Variants in MPZL1 observed in about 807,000 individuals in gnomAD.
MPZL1 encodes the protein myelin protein zero-like protein 1.
In MPZL1, 16 loss-of-function variants were observed where a neutral mutation model predicts 29.3. The ratio of observed to expected loss-of-function variants is 0.55; its 90% CI spans 0.37 to 0.83. The LOEUF is 0.83. Among genes scored for constraint, MPZL1 ranks in the 40% least tolerant of loss-of-function variants. MPZL1 has a pLI of 0.00. For missense variants in MPZL1, 279 were observed against 332.9 expected, an observed-to-expected ratio of 0.84 and a Z score of 1.26; for synonymous variants, 143 against 132.0, an observed-to-expected ratio of 1.08 and a Z score of -0.57.
In MPZL1 at chr1:167,783,338, A is replaced by T. The variant is rs188831044; in HGVS notation, c.709-4482A>T. ...AGGCACTGTGGAAAAAAATAAGAAA[A>T]TTTTTTTTCTTTGTGAAGCTTAGTT... On this transcript the variant is annotated intron_variant, in intron 5 of 5. Transcript: ENST00000359523. Among the ~76,000 whole-genome samples the T allele has an allele frequency of 2.7e-3, 417 of 151,870 alleles. 2 individuals are homozygous for T. The highest frequency in any genetic ancestry group is 9.6e-3 in the African/African-American group (399 of 41,378).
intron 1 of MPZL1, among the ~76,000 whole-genome samples, chr1:167,724,589 T>C (rs1454611320): frequency 6.6e-6 from 1 of 152,170 alleles, no homozygotes; most frequent in African/African-American, 2.4e-5. Context: ...GATAAAATGA[T>C]CATAGGTTTT....
chr1:167,771,002 C>CT (rs780993668), intron 2 of MPZL1, among the ~76,000 whole-genome samples: 1,726 of 120,926 alleles, frequency 0.014, 30 homozygotes, highest in African/African-American at 0.045. Flanking sequence ...TGTTGCATTT[C>CT]TTTTTTTTTT....
At chr1:167,745,544 A>G (rs1369835161) in intron 1 of MPZL1, among the ~76,000 whole-genome samples, 1 of 152,036 alleles carries the variant, frequency 6.6e-6, no homozygotes, top group Non-Finnish European at 1.5e-5. Flanking sequence ...CTGGGTCACT[A>G]TGGGCAAAGA....
At chr1:167,763,281 C>A (rs1480815922) in intron 1 of MPZL1, among the ~76,000 whole-genome samples, 1 of 151,934 alleles carries the variant, frequency 6.6e-6, no homozygotes, top group Non-Finnish European at 1.5e-5. Context: ...TTGGGGGGGC[C>A]GGGGCTGGTG....
At chr1:167,739,295 A>ATATG (rs1660461678) in intron 1 of MPZL1, among the ~76,000 whole-genome samples, 1 of 112,808 alleles carries the variant, frequency 8.9e-6, no homozygotes, top group African/African-American at 5.0e-5. Flanking sequence ...ATATATATAT[A>ATATG]TATATATATA....
At chr1:167,730,179 G>A (rs1369141543) in intron 1 of MPZL1, among the ~76,000 whole-genome samples, 1 of 152,184 alleles carries the variant, frequency 6.6e-6, no homozygotes, top group Non-Finnish European at 1.5e-5. Flanking sequence ...CTGCCGTGTT[G>A]AAGCCATCCT....
At chr1:167,745,403 T>C (rs990065458) in intron 1 of MPZL1, among the ~76,000 whole-genome samples, 1 of 152,138 alleles carries the variant, frequency 6.6e-6, no homozygotes. Flanking sequence ...AGCAGACTAA[T>C]GTCAAGAATG....
At chr1:167,779,836 G>A (rs745972863) in intron 5 of MPZL1, among the ~76,000 whole-genome samples, 1 of 152,154 alleles carries the variant, frequency 6.6e-6, no homozygotes, top group Non-Finnish European at 1.5e-5. Flanking sequence ...CAGCTAACAA[G>A]CTCTATCTCC....
intron 1 of MPZL1, among the ~76,000 whole-genome samples, chr1:167,748,501 G>T (rs77849187): frequency 0.057 from 8,659 of 152,128 alleles, 791 homozygotes; most frequent in African/African-American, 0.2. Context: ...CAATGTTGAT[G>T]GTAAGTGTTC....
intron 3 of MPZL1, among the ~76,000 whole-genome samples, chr1:167,772,994 T>C (rs1459611755): frequency 1.3e-5 from 2 of 152,206 alleles, no homozygotes; most frequent in Non-Finnish European, 2.9e-5. Flanking sequence ...GGTTTTTCTT[T>C]AGAGCACTGA....
At chr1:167,747,064 A>G (rs568992978) in intron 1 of MPZL1, among the ~76,000 whole-genome samples, 1 of 152,310 alleles carries the variant, frequency 6.6e-6, no homozygotes, top group African/African-American at 2.4e-5. Flanking sequence ...TGGAACCGGA[A>G]TTATACAATA....
chr1:167,770,400 A>G (rs1026371927), intron 2 of MPZL1, among the ~76,000 whole-genome samples: 7 of 152,234 alleles, frequency 4.6e-5, no homozygotes, highest in African/African-American at 1.7e-4. Flanking sequence ...GCTGAGTTTG[A>G]CAAGGTTTAC....
At chr1:167,745,516 A>G (rs1387864604) in intron 1 of MPZL1, among the ~76,000 whole-genome samples, 1 of 152,054 alleles carries the variant, frequency 6.6e-6, no homozygotes, top group African/African-American at 2.4e-5. Context: ...TGATGCTGAA[A>G]TGTTGGGTAT....
intron 5 of MPZL1, among the ~76,000 whole-genome samples, chr1:167,785,523 T>G (rs1661574526): frequency 6.6e-6 from 1 of 152,170 alleles, no homozygotes; most frequent in East Asian, 1.9e-4. Flanking sequence ...AGATTTCTAC[T>G]CTTGATTGGA....
chr1:167,781,185 A>G (rs956006407), intron 5 of MPZL1, among the ~76,000 whole-genome samples: 5 of 152,192 alleles, frequency 3.3e-5, no homozygotes, highest in African/African-American at 1.2e-4. Flanking sequence ...CTTTCTCAGC[A>G]GTTGGTAGAA....
intron 2 of MPZL1, among the ~76,000 whole-genome samples, chr1:167,770,210 C>T (rs924504136): frequency 6.6e-6 from 1 of 152,134 alleles, no homozygotes; most frequent in African/African-American, 2.4e-5. Flanking sequence ...TCACCGTGCT[C>T]AAAGGGTTCT....
rs1377152234 is a variant in MPZL1 at position 167,788,007 on chromosome 1, C to A, written c.*86C>A. 3.7e-6 allele frequency: 4 copies of A among 1,089,050 alleles called. No homozygotes were observed. The highest frequency in any genetic ancestry group is 5.6e-6 in the Non-Finnish European group (4 of 715,764). The allele number at this position is 1,089,050 out of a possible 1,614,324, so 67.5% of individuals were successfully genotyped here. On this transcript the variant is annotated 3_prime_UTR_variant, in exon 6 of 6. Coordinates refer to ENST00000359523, the MANE Select transcript of MPZL1 (RefSeq NM_003953.6). The stretch of plus-strand genomic sequence containing the variant: ...AATGTAGCCCATTACCACATGTAGC[C>A]TTGGAGACCCAGGCAAGGACAAGTA...
intron 1 of MPZL1, among the ~76,000 whole-genome samples, chr1:167,729,110 TAAA>T (rs1022238479): frequency 6.8e-6 from 1 of 146,626 alleles, no homozygotes; most frequent in Non-Finnish European, 1.5e-5. Flanking sequence ...TTACTGAAAA[TAAA>T]AAAAAAATTA....
chr1:167,750,409 T>C (rs1660731169), intron 1 of MPZL1, among the ~76,000 whole-genome samples: 2 of 152,110 alleles, frequency 1.3e-5, no homozygotes, highest in African/African-American at 4.8e-5. Flanking sequence ...ATCATATTGG[T>C]TAGGCTGGTC....
Sources: gnomAD v4.1 joint callset for allele counts (sites outside exome capture counted in the v4.1 genomes callset) on GRCh38, gnomAD v4.1.1 for gene constraint, MANE v1.5 for transcripts, NCBI Gene and HGNC (gene_info 2026-07-23, HGNC 2026-07-21) for gene names.